EZH2: variants seen among roughly 807,000 people sequenced by gnomAD.
The protein encoded by EZH2 is enhancer of zeste 2 polycomb repressive complex 2 subunit.
A neutral mutation model predicts 98.4 loss-of-function variants in EZH2; 18 were observed. That is an observed-to-expected ratio of 0.18 (90% CI 0.13 to 0.27). The LOEUF (loss-of-function observed/expected upper bound fraction) is 0.27. Ranked by LOEUF, EZH2 falls within the 10% of genes least tolerant of loss-of-function variation. The pLI is 1.00. For missense variants in EZH2, 470 were observed against 935.1 expected, an observed-to-expected ratio of 0.50 and a Z score of 6.49; for synonymous variants, 338 against 312.3, an observed-to-expected ratio of 1.08 and a Z score of -0.87.
chr7:148,830,344 C>T (rs796677639), intron 4 of EZH2, among the ~76,000 whole-genome samples: 6 of 152,228 alleles, frequency 3.9e-5, no homozygotes, highest in South Asian at 2.1e-4. Flanking sequence ...TCAGTTTTAA[C>T]GCGCACTTTA....
intron 15 of EZH2, among the ~76,000 whole-genome samples, chr7:148,812,145 A>G (rs6974908): frequency 0.011 from 1,644 of 152,144 alleles, 42 homozygotes; most frequent in African/African-American, 0.038. Flanking sequence ...AAGTGATTCT[A>G]TTAATAGTTA....
At chr7:148,824,309 C>T (rs1325624538) in intron 8 of EZH2, among the ~76,000 whole-genome samples, 2 of 87,822 alleles carry the variant, frequency 2.3e-5, no homozygotes, top group Admixed American at 1.2e-4. Context: ...AACGAGACTT[C>T]GTCTCAAAAA....
intron 3 of EZH2, among the ~76,000 whole-genome samples, chr7:148,840,980 A>G (rs1425941819): frequency 6.6e-6 from 1 of 152,174 alleles, no homozygotes; most frequent in Non-Finnish European, 1.5e-5. Context: ...TAATTTATAA[A>G]ACACAAACTA....
At chr7:148,822,300 A>G (rs1214519491) in intron 8 of EZH2, among the ~76,000 whole-genome samples, 1 of 151,690 alleles carries the variant, frequency 6.6e-6, no homozygotes, top group Non-Finnish European at 1.5e-5. Context: ...ACTTGAGGTC[A>G]GGAGTTTGAG....
chr7:148,877,181 T>G (rs1387395354), intron 1 of EZH2, among the ~76,000 whole-genome samples: 2 of 152,214 alleles, frequency 1.3e-5, no homozygotes, highest in Non-Finnish European at 2.9e-5. Context: ...ATGAATATAT[T>G]TGAAAATTTG....
intron 4 of EZH2, among the ~76,000 whole-genome samples, chr7:148,832,220 G>C (rs1809579091): frequency 6.6e-6 from 1 of 152,052 alleles, no homozygotes; most frequent in Non-Finnish European, 1.5e-5. Flanking sequence ...GAGTAGCTTG[G>C]GACTACAGAC....
At chr7:148,855,897 C>CA (rs34692092) in intron 1 of EZH2, among the ~76,000 whole-genome samples, 16,962 of 39,940 alleles carry the variant, frequency 0.42, 4,345 homozygotes, top group Non-Finnish European at 0.55. Flanking sequence ...GACTCCATCT[C>CA]AAAAAAAAAA....
intron 11 of EZH2, 177 bp downstream of exon 11, chr7:148,817,045 G>GT: frequency 3.1e-6 from 2 of 652,320 alleles, no homozygotes; most frequent in Non-Finnish European, 2.5e-6. Flanking sequence ...GGGAAATTCT[G>GT]TAACATACCT....
At chr7:148,844,598 G>A (rs368312383) in intron 3 of EZH2, among the ~76,000 whole-genome samples, 13 of 151,986 alleles carry the variant, frequency 8.6e-5, no homozygotes, top group Admixed American at 2.0e-4. Flanking sequence ...CTCAATCTGC[G>A]TGTGTGTGTG....
In EZH2 at chr7:148,819,741, T is replaced by C. The variant is rs546213415; in HGVS notation, c.908-54A>G. ...ATATAACTATAAAATACTTACTTTT[T>C]CACTCTTCCAGTTCCACTGGAAAAG... On this transcript the variant is annotated intron_variant, in intron 8 of 19. Coordinates refer to ENST00000320356, the MANE Select transcript of EZH2 (RefSeq NM_004456.5). The C allele has an allele frequency of 2.0e-5, 30 of 1,493,628 alleles. No individual in the cohort carries two copies. The African/African-American group carries it at 2.8e-4, about 14-fold the overall frequency. The allele number at this position is 1,493,628 out of a possible 1,614,324, so 92.5% of individuals were successfully genotyped here. A position where few individuals can be genotyped will look rare whatever the true frequency, so the allele number is the denominator to read the frequency against.
In EZH2 at chr7:148,832,729, C is replaced by T; in HGVS notation, c.268G>A (p.Asp90Asn). 3 of 1,607,652 alleles carry T rather than the reference C, an allele frequency of 1.9e-6. No homozygotes were observed. The highest frequency in any genetic ancestry group is 2.6e-6 in the Non-Finnish European group (3 of 1,175,834). ...AATGGGATGACTTGTGTTGGAAAAT[C>T]CAAGTCACTGGTCACCGAACACTAA... ...TRECSVTSDL[D>N]FPTQVIPLKT... The change falls in exon 4 of 20, where the codon GAT becomes AAT. Residue 90 changes from aspartate (D) to asparagine (N), a missense_variant. Asp to Asn is a conservative substitution (Grantham distance 23, BLOSUM62 1). Around this residue, in one of 6 missense-constraint regions of EZH2, gnomAD observed 79 missense variants for 122.1 expected, o/e 0.65. Coordinates refer to ENST00000320356, the MANE Select transcript of EZH2 (RefSeq NM_004456.5).
At chr7:148,823,700 G>C (rs1806838596) in intron 8 of EZH2, among the ~76,000 whole-genome samples, 1 of 151,034 alleles carries the variant, frequency 6.6e-6, no homozygotes, top group African/African-American at 2.4e-5. Flanking sequence ...CACCCAGCTG[G>C]AGTACAGTGG....
intron 2 of EZH2, 58 bp from the exon 3 acceptor site, chr7:148,846,656 T>C: frequency 1.3e-6 from 2 of 1,499,660 alleles, no homozygotes; most frequent in African/African-American, 1.4e-5. Context: ...AGAAAATGTA[T>C]AACACCTGTA....
At chr7:148,829,646 C>T in intron 5 of EZH2, 82 bp downstream of exon 5, 10 of 1,462,948 alleles carry the variant, frequency 6.8e-6, no homozygotes, top group Non-Finnish European at 9.2e-6. Flanking sequence ...TAAAATTTTT[C>T]TCATGCCCTA....
In EZH2 at chr7:148,864,081, A is replaced by G. The variant is rs117266678; in HGVS notation, c.-7-16776T>C. ...TCAAAGGCAAAGGAAAGTTATACTAATTTAGCAATCTTAGCTGAATGATAG... is the reference window on the plus strand; with the variant it reads ...TCAAAGGCAAAGGAAAGTTATACTAGTTTAGCAATCTTAGCTGAATGATAG... On this transcript the variant is annotated intron_variant, in intron 1 of 19. Transcript: ENST00000320356. Among the ~76,000 whole-genome samples, 14 of 152,360 alleles carry G rather than the reference A, an allele frequency of 9.2e-5. No individual in the cohort carries two copies. The East Asian group carries it at 2.7e-3, about 29-fold the overall frequency.
At chr7:148,883,920 G>T (rs1052577598) in intron 1 of EZH2, 1 of 152,374 alleles carries the variant, frequency 6.6e-6, no homozygotes, top group Non-Finnish European at 1.5e-5. Context: ...AGCTCCAGGG[G>T]TGTGCGCTGC....
chr7:148,853,644 A>G (rs186190849), intron 1 of EZH2, among the ~76,000 whole-genome samples: 1 of 152,300 alleles, frequency 6.6e-6, no homozygotes, highest in Non-Finnish European at 1.5e-5. Context: ...ATTACTAAAT[A>G]CCTAATACAA....
At chr7:148,811,915 A>C (rs1472081995) in intron 15 of EZH2, 195 bp from the exon 16 acceptor site, 1 of 539,970 alleles carries the variant, frequency 1.9e-6, no homozygotes, top group Admixed American at 3.1e-5. Flanking sequence ...TGTTTTCCTT[A>C]TACAGCAGAT....
Position 148,817,327 on chromosome 7 carries a change from C to G in EZH2, c.1305G>C (p.Val435=), listed in dbSNP as rs773673216. ...MKPNIEPPEN[V]EWSGAEASMF... ...TTGAGGCTTCAGCACCACTCCACTC[C>G]ACATTCTCAGGAGGTTCAATATTTG... The change falls in exon 11 of 20, where the codon GTG becomes GTC. Residue 435 remains valine (V), a synonymous_variant. Coordinates refer to ENST00000320356, the MANE Select transcript of EZH2 (RefSeq NM_004456.5). The G allele has an allele frequency of 1.2e-6, 2 of 1,613,996 alleles. No homozygotes were observed.
Sources: allele counts gnomAD v4.1 joint callset (sites outside exome capture counted in the v4.1 genomes callset), GRCh38; gene constraint gnomAD v4.1.1; regional missense constraint gnomAD v4.1.1; transcripts MANE v1.5; gene names NCBI Gene and HGNC (gene_info 2026-07-23, HGNC 2026-07-21).